PPM1B: variants seen among roughly 807,000 people sequenced by gnomAD.
PPM1B encodes protein phosphatase, Mg2+/Mn2+ dependent 1B, also known as protein phosphatase 1B.
A neutral mutation model predicts 43.0 loss-of-function variants in PPM1B; 22 were observed. The ratio of observed to expected loss-of-function variants is 0.51; its 90% CI spans 0.37 to 0.73. The LOEUF is 0.73. Ranked by LOEUF, PPM1B falls within the 30% of genes least tolerant of loss-of-function variation. PPM1B has a pLI of 0.00. For missense variants in PPM1B, 632 were observed against 584.2 expected (o/e 1.08, Z -0.84); for synonymous variants, 217 against 197.9 (o/e 1.10, Z -0.81).
intron 1 of PPM1B, among the ~76,000 whole-genome samples, chr2:44,183,791 T>G (rs1221989572): frequency 6.6e-6 from 1 of 152,092 alleles, no homozygotes; most frequent in Non-Finnish European, 1.5e-5. Context: ...CAGGCTGGAG[T>G]GCAGTGGCGC....
intron 1 of PPM1B, among the ~76,000 whole-genome samples, chr2:44,170,066 A>G (rs1389855427): frequency 3.3e-5 from 5 of 152,242 alleles, no homozygotes; most frequent in Non-Finnish European, 7.3e-5. Context: ...AATTTTTTAA[A>G]TGAAGGACTC....
downstream of PPM1B, chr2:44,232,694 GT>G (rs112537268): frequency 3.9e-6 from 4 of 1,036,888 alleles, no homozygotes; most frequent in African/African-American, 1.7e-5. Flanking sequence ...AATACATTAT[GT>G]TTTTTTTCTT....
intron 3 of PPM1B, among the ~76,000 whole-genome samples, chr2:44,212,013 G>A (rs1669494510): frequency 1.3e-5 from 2 of 152,134 alleles, no homozygotes; most frequent in African/African-American, 4.8e-5. Context: ...GCCTCCCAAA[G>A]TGCTGGGATT....
At chr2:44,225,831 A>G (rs973260156) in intron 5 of PPM1B, among the ~76,000 whole-genome samples, 2 of 149,392 alleles carry the variant, frequency 1.3e-5, no homozygotes, top group East Asian at 2.0e-4. Flanking sequence ...TAATTTTTCT[A>G]TTTTTAGTTG....
chr2:44,238,730 G>A (rs1352301636), downstream of PPM1B, among the ~76,000 whole-genome samples: 1 of 151,810 alleles, frequency 6.6e-6, no homozygotes, highest in Non-Finnish European at 1.5e-5. Flanking sequence ...AACATTTTAG[G>A]GGGAGCTTGA....
intron 1 of PPM1B, among the ~76,000 whole-genome samples, chr2:44,192,762 C>G (rs1231948725): frequency 6.6e-6 from 1 of 152,200 alleles, no homozygotes; most frequent in Admixed American, 6.5e-5. Context: ...ATTCTACTCT[C>G]TGCTTCTATG....
At chr2:44,216,527 C>T (rs1669726693) in intron 3 of PPM1B, among the ~76,000 whole-genome samples, 1 of 152,142 alleles carries the variant, frequency 6.6e-6, no homozygotes, top group African/African-American at 2.4e-5. Flanking sequence ...TTATGGTATA[C>T]AGTACATGTC....
chr2:44,242,390 A>AT (rs1264769790), intron 5 of PPM1B, among the ~76,000 whole-genome samples: 3 of 152,118 alleles, frequency 2.0e-5, no homozygotes, highest in Non-Finnish European at 4.4e-5. Flanking sequence ...GGAGCTTTTT[A>AT]TTTTCTCCTT....
chr2:44,223,167 A>G (rs534822289), intron 5 of PPM1B, among the ~76,000 whole-genome samples: 54 of 152,274 alleles, frequency 3.5e-4, no homozygotes, highest in African/African-American at 1.3e-3. Flanking sequence ...AATATTTTAT[A>G]AAGTTGTTGA....
intron 1 of PPM1B, among the ~76,000 whole-genome samples, chr2:44,200,832 G>C (rs138423695): frequency 2.6e-5 from 4 of 152,282 alleles, no homozygotes; most frequent in South Asian, 4.1e-4. Flanking sequence ...AATTAAATCA[G>C]AATGAAATTA....
At chr2:44,237,251 A>G (rs1252993261), downstream of PPM1B, among the ~76,000 whole-genome samples, 5 of 152,310 alleles carry the variant, frequency 3.3e-5, no homozygotes, top group South Asian at 8.3e-4. Context: ...AATGCTAAAC[A>G]AGTGTTTGTT....
Position 44,227,151 on chromosome 2 carries a change from G to A in PPM1B, c.1135-3262G>A, listed in dbSNP as rs1670255898. ...GCCACACCTAATTTTTTAAATTTTT[G>A]TTTTGTAGAGACGGGGTCTCCCCGT... On this transcript the variant is annotated intron_variant, in intron 5 of 5. Transcript: ENST00000282412. Among the ~76,000 whole-genome samples, 5 of 151,526 alleles carry A rather than the reference G, an allele frequency of 3.3e-5. No homozygotes were observed. In the South Asian group the frequency reaches 1.0e-3, roughly 32 times the overall value.
chr2:44,198,232 C>T (rs1274703437), intron 1 of PPM1B, among the ~76,000 whole-genome samples: 1 of 152,182 alleles, frequency 6.6e-6, no homozygotes, highest in Non-Finnish European at 1.5e-5. Context: ...ACGATCCCGG[C>T]TCACCACAAC....
At chr2:44,179,548 C>A (rs1667758111) in intron 1 of PPM1B, among the ~76,000 whole-genome samples, 1 of 151,944 alleles carries the variant, frequency 6.6e-6, no homozygotes, top group African/African-American at 2.4e-5. Context: ...TTTAATTTTC[C>A]ATCTTCCTAT....
rs1163191556 is a variant in PPM1B at position 44,205,340 on chromosome 2, TG to T, written c.846+3298del. 6.3e-5 allele frequency among the ~76,000 whole-genome samples: 7 copies of T among 111,648 alleles called. No individual in the cohort carries two copies. The South Asian group carries it at 2.2e-3, about 35-fold the overall frequency. 73.2% of individuals were successfully genotyped at this position (111,648 alleles called of 152,430 possible). A position where few individuals can be genotyped will look rare whatever the true frequency, so the allele number is the denominator to read the frequency against. ...CTGATAAAATAAAGAAGAGTGGGTGTGGGTGTGGGTGTGGGTGTGTGTGTGT... is the reference window on the plus strand; with the variant it reads ...CTGATAAAATAAAGAAGAGTGGGTGTGGTGTGGGTGTGGGTGTGTGTGTGT... On this transcript the variant is annotated intron_variant, in intron 2 of 5. Coordinates refer to ENST00000282412, the MANE Select transcript of PPM1B (RefSeq NM_002706.6).
At chr2:44,241,847 A>C (rs1221052056) in intron 5 of PPM1B, among the ~76,000 whole-genome samples, 1 of 138,160 alleles carries the variant, frequency 7.2e-6, no homozygotes, top group Admixed American at 7.6e-5. Flanking sequence ...AATAAGTATT[A>C]GAAAATAATC....
intron 1 of PPM1B, among the ~76,000 whole-genome samples, chr2:44,190,807 A>G (rs1384800398): frequency 6.6e-6 from 1 of 152,234 alleles, no homozygotes; most frequent in Non-Finnish European, 1.5e-5. Context: ...TTTTACTGTA[A>G]TATTTATCAA....
intron 1 of PPM1B, among the ~76,000 whole-genome samples, chr2:44,186,743 C>G (rs1269713596): frequency 1.3e-5 from 2 of 152,320 alleles, no homozygotes; most frequent in Non-Finnish European, 2.9e-5. Flanking sequence ...ATTTGATTTT[C>G]TGCTATGGAA....
intron 3 of PPM1B, among the ~76,000 whole-genome samples, chr2:44,214,739 C>T (rs1028611091): frequency 5.9e-5 from 9 of 152,242 alleles, no homozygotes; most frequent in African/African-American, 1.7e-4. Flanking sequence ...AGTAAACTGA[C>T]TGAGCAGGAT....
Sources: allele counts gnomAD v4.1 joint callset (sites outside exome capture counted in the v4.1 genomes callset), GRCh38; gene constraint gnomAD v4.1.1; transcripts MANE v1.5; gene names NCBI Gene and HGNC (gene_info 2026-07-23, HGNC 2026-07-21).